The following TBC1D19 variants were observed in gnomAD, a reference collection of about 807,000 sequenced individuals.
TBC1D19 encodes the protein TBC1 domain family member 19.
Under a neutral mutation model 89.0 loss-of-function variants are expected in TBC1D19, and 60 were observed. That is an observed-to-expected ratio of 0.67 (90% CI 0.55 to 0.84). TBC1D19 has a LOEUF of 0.84. Among genes scored for constraint, TBC1D19 ranks in the 40% least tolerant of loss-of-function variants. The pLI is 0.00. For synonymous variants in TBC1D19, 189 were observed against 199.7 expected (o/e 0.95, Z 0.45); for missense variants, 500 against 610.8 (o/e 0.82, Z 1.91).
the TBC1D19 span, among the ~76,000 whole-genome samples, chr4:26,848,020 C>T: frequency 3.9e-5 from 6 of 152,144 alleles, no homozygotes; most frequent in Non-Finnish European, 5.9e-5. Flanking sequence ...AGTATGAGTC[C>T]AGCTCTCAGC....
the TBC1D19 span, among the ~76,000 whole-genome samples, chr4:26,826,282 T>G: frequency 1.3e-5 from 2 of 152,218 alleles, no homozygotes; most frequent in African/African-American, 4.8e-5. Context: ...CACATAGGAC[T>G]TCGCATTCTG....
chr4:26,717,905 G>C (rs750703525), intron 13 of TBC1D19, 28 bp from the exon 14 acceptor site: 1 of 1,557,070 alleles, frequency 6.4e-7, no homozygotes, highest in African/African-American at 1.4e-5. Context: ...GTGCTTAATT[G>C]CTATTTTTTT....
chr4:26,805,577 C>A, the TBC1D19 span, among the ~76,000 whole-genome samples: 6 of 152,266 alleles, frequency 3.9e-5, no homozygotes, highest in East Asian at 5.8e-4. Context: ...CTTTCTCGTT[C>A]CCTTTCACCC....
At chr4:26,576,844 C>A (rs1447286260) in intron 1 of TBC1D19, 2 of 456,174 alleles carry the variant, frequency 4.4e-6, no homozygotes, top group Admixed American at 4.7e-5. Context: ...AGGGCTATGT[C>A]ATGAACCTGT....
chr4:26,780,812 A>G, the TBC1D19 span, among the ~76,000 whole-genome samples: 1 of 152,158 alleles, frequency 6.6e-6, no homozygotes, highest in Non-Finnish European at 1.5e-5. Context: ...GGCCTAGTAA[A>G]ACTTCACCTA....
chr4:26,617,608 C>T (rs1741775478), intron 3 of TBC1D19, among the ~76,000 whole-genome samples: 1 of 152,168 alleles, frequency 6.6e-6, no homozygotes, highest in Admixed American at 6.5e-5. Context: ...CCAATGCTAA[C>T]ACATGACAAA....
chr4:26,697,248 A>G (rs1158250735), intron 13 of TBC1D19, among the ~76,000 whole-genome samples: 1 of 152,240 alleles, frequency 6.6e-6, no homozygotes, highest in Admixed American at 6.5e-5. Context: ...AACAAACTAG[A>G]AAATCTAGAA....
At chr4:26,590,806 T>A (rs930018239) in intron 1 of TBC1D19, among the ~76,000 whole-genome samples, 1 of 118,962 alleles carries the variant, frequency 8.4e-6, no homozygotes, top group Admixed American at 9.1e-5. Flanking sequence ...GTTTTTTTTT[T>A]TTTTTTTTTT....
At chr4:26,786,374 C>G in the TBC1D19 span, among the ~76,000 whole-genome samples, 1 of 152,154 alleles carries the variant, frequency 6.6e-6, no homozygotes, top group Non-Finnish European at 1.5e-5. Flanking sequence ...GTGGCTCACA[C>G]CTGTAATCCC....
chr4:26,717,816 T>C (rs1265058640), intron 13 of TBC1D19, 117 bp from the exon 14 acceptor site: 2 of 725,858 alleles, frequency 2.8e-6, no homozygotes, highest in Non-Finnish European at 4.6e-6. Flanking sequence ...AAGGGCATTC[T>C]TCCCACCGCA....
chr4:26,590,682 A>T (rs1292520744), intron 1 of TBC1D19, among the ~76,000 whole-genome samples: 1 of 151,376 alleles, frequency 6.6e-6, no homozygotes, highest in Admixed American at 6.6e-5. Context: ...TTCATCTATT[A>T]TTAACATCTT....
intron 8 of TBC1D19, among the ~76,000 whole-genome samples, chr4:26,663,602 T>C (rs531256087): frequency 6.6e-6 from 1 of 152,348 alleles, no homozygotes; most frequent in East Asian, 1.9e-4. Context: ...CTGATGCGAA[T>C]GCATTCTTAG....
chr4:26,660,987 C>T (rs955874634), intron 8 of TBC1D19, among the ~76,000 whole-genome samples: 5 of 152,110 alleles, frequency 3.3e-5, no homozygotes, highest in African/African-American at 4.8e-5. Flanking sequence ...TGATTTTCTC[C>T]ATAGAGCCTT....
chr4:26,655,626 G>T (rs2078115164), intron 7 of TBC1D19, among the ~76,000 whole-genome samples: 1 of 151,874 alleles, frequency 6.6e-6, no homozygotes, highest in Admixed American at 6.6e-5. Context: ...TCAGACTGCT[G>T]TGCTAGCAAT....
intron 1 of TBC1D19, among the ~76,000 whole-genome samples, chr4:26,593,618 A>G (rs550068249): frequency 6.6e-6 from 1 of 152,350 alleles, no homozygotes; most frequent in East Asian, 1.9e-4. Context: ...TCCAGAATCT[A>G]CAATGAACTC....
At chr4:26,835,798 T>C in the TBC1D19 span, among the ~76,000 whole-genome samples, 2 of 152,184 alleles carry the variant, frequency 1.3e-5, no homozygotes, top group African/African-American at 4.8e-5. Flanking sequence ...CTTCAATGGC[T>C]TCCCATTGTC....
chr4:26,791,552 C>G, the TBC1D19 span, among the ~76,000 whole-genome samples: 1 of 152,182 alleles, frequency 6.6e-6, no homozygotes, highest in East Asian at 1.9e-4. Flanking sequence ...AGCCAGGAGA[C>G]CAGTTGGGAG....
chr4:26,839,266 A>T, the TBC1D19 span, among the ~76,000 whole-genome samples: 1 of 152,194 alleles, frequency 6.6e-6, no homozygotes, highest in Non-Finnish European at 1.5e-5. Flanking sequence ...AGCGGCTTTA[A>T]AAAATTAAAA....
intron 9 of TBC1D19, among the ~76,000 whole-genome samples, chr4:26,669,629 CTGTT>C (rs1712114470): frequency 6.6e-6 from 1 of 151,650 alleles, no homozygotes; most frequent in South Asian, 2.1e-4. Context: ...TTAAAGAAGT[CTGTT>C]TGATTATTGT....
Sources: gnomAD v4.1 joint callset for allele counts (sites outside exome capture counted in the v4.1 genomes callset) on GRCh38, gnomAD v4.1.1 for gene constraint, MANE v1.5 for transcripts, NCBI Gene and HGNC (gene_info 2026-07-23, HGNC 2026-07-21) for gene names.